The following KIAA1217 variants were observed in gnomAD, a reference collection of about 807,000 sequenced individuals.
KIAA1217 encodes KIAA1217.
Under a neutral mutation model 163.9 loss-of-function variants are expected in KIAA1217, and 88 were observed. That is an observed-to-expected ratio of 0.54 (90% CI 0.45 to 0.64). The LOEUF (loss-of-function observed/expected upper bound fraction) is 0.64, where lower values mean the gene tolerates loss of function less well. KIAA1217 is among the 30% of genes least tolerant of loss of function. The pLI, the probability that KIAA1217 is intolerant of heterozygous loss-of-function variation, is 0.00. For missense variants in KIAA1217, 2,372 were observed against 2,475.0 expected (o/e 0.96, Z 0.88); for synonymous variants, 903 against 923.1 (o/e 0.98, Z 0.39).
chr10:24,069,120 G>A (rs976004636), intron 2 of KIAA1217, among the ~76,000 whole-genome samples: 6 of 152,206 alleles, frequency 3.9e-5, no homozygotes, highest in East Asian at 3.9e-4. Context: ...CAGAGCTACG[G>A]CAAGTGTTCA....
At chr10:23,747,027 GA>G (rs1420548188) in intron 1 of KIAA1217, among the ~76,000 whole-genome samples, 2 of 152,148 alleles carry the variant, frequency 1.3e-5, no homozygotes, top group African/African-American at 2.4e-5. Flanking sequence ...GAAGAAACTA[GA>G]AAAACTGGCA....
chr10:24,064,707 G>C (rs1221740564), intron 2 of KIAA1217, among the ~76,000 whole-genome samples: 3 of 152,150 alleles, frequency 2.0e-5, no homozygotes, highest in Non-Finnish European at 4.4e-5. Context: ...AATAGTTTCA[G>C]AAGGAATGGT....
chr10:24,543,709 T>C lies in KIAA1217; in HGVS notation c.4439T>C (p.Ile1480Thr), dbSNP rs1483133330. The C allele has an allele frequency of 2.5e-6, 4 of 1,613,398 alleles. No individual in the cohort carries two copies. Among genetic ancestry groups the C allele is most frequent in the African/African-American group, 1.3e-5 (1 of 74,864 alleles). The change falls in exon 19 of 21, where the codon ATA becomes ACA. Residue 1480 changes from isoleucine to threonine, a missense_variant. Ile to Thr is a moderately conservative substitution (Grantham distance 89). Transcript: ENST00000376454. Reference protein sequence around the residue: ...ELERMMMEEKIEEEEEEENGD... With the variant: ...ELERMMMEEKTEEEEEEENGD... ...GAGAGAATGATGATGGAGGAAAAGA[T>C]AGAGGAGGAGGAAGAGGAGGAAAAT...
chr10:23,938,778 C>G (rs2131329948), intron 1 of KIAA1217, among the ~76,000 whole-genome samples: 2 of 150,960 alleles, frequency 1.3e-5, no homozygotes, highest in Admixed American at 1.3e-4. Flanking sequence ...TGGAACCAAT[C>G]CCCCTTGGAT....
At chr10:24,212,045 A>G (rs1347577904) in intron 1 of KIAA1217, among the ~76,000 whole-genome samples, 1 of 151,700 alleles carries the variant, frequency 6.6e-6, no homozygotes, top group Non-Finnish European at 1.5e-5. Flanking sequence ...TCTGAAAGAA[A>G]GAGAGAGAGA....
chr10:23,742,782 A>G (rs1839189879), intron 1 of KIAA1217, among the ~76,000 whole-genome samples: 1 of 152,232 alleles, frequency 6.6e-6, no homozygotes, highest in Non-Finnish European at 1.5e-5. Flanking sequence ...TCCAAACTGT[A>G]TCAGGGGTTG....
In KIAA1217 at chr10:23,834,115, T is replaced by G. The variant is rs115230634; in HGVS notation, c.-321+138881T>G. 3.3e-3 allele frequency among the ~76,000 whole-genome samples: 509 copies of G among 152,336 alleles called. 3 individuals are homozygous for G. Among genetic ancestry groups the G allele is most frequent in the African/African-American group, 0.012 (479 of 41,592 alleles). On this transcript the variant is annotated intron_variant, in intron 1 of 18. Coordinates refer to the KIAA1217 transcript ENST00000376462. The stretch of plus-strand genomic sequence containing the variant: ...CTAGGATTAGTCTTATATTTGTGTT[T>G]TGAAATTTAGATTCATAGGCTCATT...
At chr10:24,365,558 A>T (rs1446733168) in intron 2 of KIAA1217, among the ~76,000 whole-genome samples, 4 of 152,132 alleles carry the variant, frequency 2.6e-5, no homozygotes, top group Non-Finnish European at 5.9e-5. Flanking sequence ...CAGAGCAGAG[A>T]ATCAGAGGGC....
chr10:24,296,516 A>G (rs12260815), intron 2 of KIAA1217, among the ~76,000 whole-genome samples: 4,347 of 152,082 alleles, frequency 0.029, 231 homozygotes, highest in African/African-American at 0.1. Context: ...GACTCCCTGG[A>G]TAGCTATTGA....
At chr10:24,463,883 C>T (rs1273410092) in intron 5 of KIAA1217, among the ~76,000 whole-genome samples, 1 of 152,224 alleles carries the variant, frequency 6.6e-6, no homozygotes, top group East Asian at 1.9e-4. Context: ...ACTTTATACA[C>T]TGCTGGGAAG....
At position 24,546,614 on chromosome 10, in the gene KIAA1217, A is replaced by G. The variant is rs1469762948; in HGVS notation, c.*290A>G. 2 of 317,502 alleles carry G rather than the reference A, an allele frequency of 6.3e-6. No individual in the cohort carries two copies. Among genetic ancestry groups the G allele is most frequent in the Non-Finnish European group, 1.2e-5 (2 of 173,428 alleles). 19.7% of individuals were successfully genotyped at this position (317,502 alleles called of 1,614,324 possible). The stretch of plus-strand genomic sequence containing the variant: ...TGGGAGAGAAAGGTGCGTGTGAGAC[A>G]GGAGAATTGTCTTAAGCATATAAAA... On this transcript the variant is annotated 3_prime_UTR_variant, in exon 21 of 21. Transcript: ENST00000376454.
At chr10:24,265,123 C>G (rs962262094) in intron 2 of KIAA1217, among the ~76,000 whole-genome samples, 8 of 152,156 alleles carry the variant, frequency 5.3e-5, no homozygotes, top group African/African-American at 1.9e-4. Flanking sequence ...CTTGGCCACC[C>G]AAAGTGATGA....
At chr10:23,737,365 A>ATTTT (rs10676755) in intron 1 of KIAA1217, among the ~76,000 whole-genome samples, 3 of 149,648 alleles carry the variant, frequency 2.0e-5, no homozygotes, top group Non-Finnish European at 3.0e-5. Flanking sequence ...TGCCTAGCTA[A>ATTTT]TTTTTTTTTA....
rs115863275 is a variant in KIAA1217, at chr10:24,031,393, C to T, written c.-171+24019C>T. ...ACTGCTCACTGCAGCCTTGACCTCCCAGGCTAAAGTGATCTTTCCACCTCA... is the reference window on the plus strand; with the variant it reads ...ACTGCTCACTGCAGCCTTGACCTCCTAGGCTAAAGTGATCTTTCCACCTCA... On this transcript the variant is annotated intron_variant, in intron 2 of 18. Transcript: ENST00000376462. Among the ~76,000 whole-genome samples, 607 of 152,238 alleles carry T rather than the reference C, an allele frequency of 4.0e-3. 1 individual carries two copies. Among genetic ancestry groups the T allele is most frequent in the African/African-American group, 0.014 (569 of 41,546 alleles).
intron 1 of KIAA1217, among the ~76,000 whole-genome samples, chr10:23,822,531 A>G (rs1160900278): frequency 3.9e-5 from 6 of 152,198 alleles, no homozygotes; most frequent in Non-Finnish European, 8.8e-5. Context: ...TTGTGTTAGA[A>G]GGAGCAAGAC....
chr10:23,867,794 C>A (rs534956342), intron 1 of KIAA1217, among the ~76,000 whole-genome samples: 30 of 151,968 alleles, frequency 2.0e-4, no homozygotes, highest in African/African-American at 7.3e-4. Flanking sequence ...TTCTCCCATT[C>A]TGTAGGTTGC....
chr10:24,507,327 T>A (rs2068504743), intron 9 of KIAA1217, among the ~76,000 whole-genome samples: 1 of 152,104 alleles, frequency 6.6e-6, no homozygotes, highest in Admixed American at 6.6e-5. Context: ...CCTATAACAT[T>A]AAGAAAAATT....
At chr10:24,180,246 A>G (rs1383816313) in intron 2 of KIAA1217, among the ~76,000 whole-genome samples, 3 of 135,818 alleles carry the variant, frequency 2.2e-5, no homozygotes, top group African/African-American at 2.8e-5. Flanking sequence ...GTCCTTCCCT[A>G]TCTTTCCAGC....
intron 1 of KIAA1217, among the ~76,000 whole-genome samples, chr10:23,964,820 G>A (rs1844989425): frequency 1.3e-5 from 2 of 152,140 alleles, no homozygotes; most frequent in African/African-American, 4.8e-5. Context: ...CTCCCAAAGT[G>A]CTGGGACTAC....
Sources: gnomAD v4.1 joint callset for allele counts (sites outside exome capture counted in the v4.1 genomes callset) on GRCh38, gnomAD v4.1.1 for gene constraint, MANE v1.5 for transcripts, NCBI Gene and HGNC (gene_info 2026-07-23, HGNC 2026-07-21) for gene names.